The following FHIP2A variants were observed in gnomAD, a reference collection of about 807,000 sequenced individuals.
FHIP2A encodes family with sequence similarity 160 member B1.
FHIP2A carries 46 observed loss-of-function variants against 93.5 expected under a neutral mutation model. That is an observed-to-expected ratio of 0.49 (90% CI 0.39 to 0.63). The LOEUF (loss-of-function observed/expected upper bound fraction) is 0.63, where lower values mean the gene tolerates loss of function less well. Ranked by LOEUF, FHIP2A falls within the 20% of genes least tolerant of loss-of-function variation. The pLI, the probability that FHIP2A is intolerant of heterozygous loss-of-function variation, is 0.00. For synonymous variants in FHIP2A, 332 were observed against 326.5 expected, an observed-to-expected ratio of 1.02 and a Z score of -0.18; for missense variants, 769 against 909.7, an observed-to-expected ratio of 0.85 and a Z score of 1.99.
At position 114,826,644 on chromosome 10, in the gene FHIP2A, A is replaced by G. The variant is rs150726675; in HGVS notation, c.46-4208A>G. ...GAAGTGAGCAAGACTTTAGAGAGGC[A>G]GAGAAGATGGGGAAGGTCACTAGGA... is the stretch of plus-strand genomic sequence containing the variant. On this transcript the variant is annotated intron_variant, in intron 1 of 16. Coordinates refer to ENST00000369248, the MANE Select transcript of FHIP2A (RefSeq NM_020940.4). Among the ~76,000 whole-genome samples the G allele has an allele frequency of 1.7e-3, 253 of 152,320 alleles. 1 individual carries two copies. The highest frequency in any genetic ancestry group is 0.01 in the Middle Eastern group (3 of 294).
intron 1 of FHIP2A, among the ~76,000 whole-genome samples, chr10:114,827,854 G>A (rs879052667): frequency 1.7e-4 from 26 of 151,942 alleles, no homozygotes; most frequent in Admixed American, 1.3e-3. Context: ...TCCTAGGCAG[G>A]AAGAGCCTGG....
chr10:114,872,426 T>C (rs952273290), intron 16 of FHIP2A, among the ~76,000 whole-genome samples: 3 of 152,218 alleles, frequency 2.0e-5, no homozygotes, highest in Non-Finnish European at 2.9e-5. Flanking sequence ...TTAATTATGG[T>C]TCTTTTTTGT....
downstream of FHIP2A, among the ~76,000 whole-genome samples, chr10:114,868,507 T>G (rs1334033272): frequency 2.0e-5 from 3 of 152,094 alleles, no homozygotes; most frequent in African/African-American, 7.2e-5. Flanking sequence ...ACTGCTCTAG[T>G]TGGACTAGTC....
chr10:114,886,786 C>T (rs1422755780), intron 16 of FHIP2A, among the ~76,000 whole-genome samples: 1 of 152,090 alleles, frequency 6.6e-6, no homozygotes, highest in Non-Finnish European at 1.5e-5. Flanking sequence ...CTCAGGTGAT[C>T]TGCCCACCTC....
At position 114,860,749 on chromosome 10, in the gene FHIP2A, C is replaced by T. The variant is rs766137812; in HGVS notation, c.1948C>T (p.Pro650Ser). Residue 650 changes from proline to serine, a missense_variant and splice_region_variant, in exon 15 of 17, where the codon CCA becomes TCA. Coordinates refer to ENST00000369248, the MANE Select transcript of FHIP2A (RefSeq NM_020940.4). The part of the protein sequence containing the change: ...FDRMGRILDQ[P>S]YDVNLQVTSV... The stretch of plus-strand genomic sequence containing the variant: ...CTTTCTGTTTTTTATCTCTCCATAG[C>T]CATATGATGTAAACTTACAAGTAAC... 6.3e-6 allele frequency: 10 copies of T among 1,591,018 alleles called. No homozygotes were observed. The highest frequency in any genetic ancestry group is 7.8e-6 in the Non-Finnish European group (9 of 1,159,174).
chr10:114,868,842 G>A (rs145005107), downstream of FHIP2A, among the ~76,000 whole-genome samples: 40 of 152,216 alleles, frequency 2.6e-4, no homozygotes, highest in African/African-American at 8.4e-4. Context: ...AAAGTTGTCC[G>A]GGATGGTATT....
chr10:114,862,125 A>C lies in FHIP2A; in HGVS notation c.*585A>C. On this transcript the variant is annotated 3_prime_UTR_variant, in exon 17 of 17. Coordinates refer to ENST00000369248, the MANE Select transcript of FHIP2A (RefSeq NM_020940.4). ...AACTTTCTTCAGCTTTTTTAAGAAT[A>C]ACAATTTAATATGATAAATTCTTGA... 1 of 921,876 alleles carries C rather than the reference A, an allele frequency of 1.1e-6. No individual in the cohort carries two copies. The highest frequency in any genetic ancestry group is 1.3e-6 in the Non-Finnish European group (1 of 771,840). The allele number at this position is 921,876 out of a possible 1,614,324, so 57.1% of individuals were successfully genotyped here. A position where few individuals can be genotyped will look rare whatever the true frequency, so the allele number is the denominator to read the frequency against.
chr10:114,863,758 T>C lies in FHIP2A; in HGVS notation c.*2218T>C, dbSNP rs2083814137. 7.8e-7 allele frequency: 1 copy of C among 1,281,848 alleles called. No homozygotes were observed. Among genetic ancestry groups the C allele is most frequent in the African/African-American group, 1.5e-5 (1 of 64,708 alleles). 79.4% of individuals were successfully genotyped at this position (1,281,848 alleles called of 1,614,324 possible). On this transcript the variant is annotated 3_prime_UTR_variant, in exon 17 of 17. Transcript: ENST00000369248. ...TTCTGTTGACAGCTGAATATTTCTG[T>C]TACTCAGTACTTGCAAAAACAGTAA...
chr10:114,847,209 C>G lies in FHIP2A; in HGVS notation c.1688C>G (p.Thr563Ser), dbSNP rs201133882. ...GACCACCCCAAAAATGATGGAAAAA[C>G]TGAAGTTCATAAAATTGTAAATAGG... ...TPDHPKNDGK[T>S]EVHKIVNSFL... is the part of the protein sequence containing the mutation. Residue 563 changes from threonine (T) to serine (S), a missense_variant, in exon 12 of 17, where the codon ACT (threonine) becomes AGT (serine). Coordinates refer to ENST00000369248, the MANE Select transcript of FHIP2A (RefSeq NM_020940.4). 1 of 1,612,002 alleles carries G rather than the reference C, an allele frequency of 6.2e-7. No individual in the cohort carries two copies. Among genetic ancestry groups the G allele is most frequent in the Admixed American group, 1.7e-5 (1 of 59,574 alleles).
chr10:114,830,973 A>C (rs2083604497), intron 2 of FHIP2A, 43 bp downstream of exon 2: 1 of 1,231,302 alleles, frequency 8.1e-7, no homozygotes, highest in Non-Finnish European at 1.1e-6. Flanking sequence ...TGTGAAAGTT[A>C]AACAGAAAAT....
chr10:114,824,730 T>C (rs2083563529), intron 1 of FHIP2A, among the ~76,000 whole-genome samples: 1 of 152,230 alleles, frequency 6.6e-6, no homozygotes, highest in Non-Finnish European at 1.5e-5. Flanking sequence ...ATTTGCTTGA[T>C]ATTTTCCTCT....
Position 114,835,529 on chromosome 10 carries a change from A to G in FHIP2A, c.295-8A>G, listed in dbSNP as rs1175575943. On this transcript the variant is annotated splice_polypyrimidine_tract_variant and splice_region_variant and intron_variant, in intron 3 of 16. Coordinates refer to ENST00000369248, the MANE Select transcript of FHIP2A (RefSeq NM_020940.4). Reference sequence around the variant, plus strand: ...TTTCCTGTTGGCTTCCTTTTTTCCTATACCCAGTGTCCTCCGGGAATGAAA... The same window carrying G: ...TTTCCTGTTGGCTTCCTTTTTTCCTGTACCCAGTGTCCTCCGGGAATGAAA... 2 of 1,575,756 alleles carry G rather than the reference A, an allele frequency of 1.3e-6. No individual in the cohort carries two copies. The highest frequency in any genetic ancestry group is 1.4e-5 in the African/African-American group (1 of 73,680).
chr10:114,853,785 G>C (rs1317159343), intron 13 of FHIP2A, among the ~76,000 whole-genome samples: 1 of 152,106 alleles, frequency 6.6e-6, no homozygotes, highest in Admixed American at 6.6e-5. Context: ...GATCACTTGA[G>C]GTCAGGAGCT....
intron 16 of FHIP2A, among the ~76,000 whole-genome samples, chr10:114,870,675 A>G (rs1041754508): frequency 2.0e-5 from 3 of 152,178 alleles, no homozygotes; most frequent in African/African-American, 7.2e-5. Context: ...GATATTCACT[A>G]AATCTTGTAG....
chr10:114,858,837 G>A (rs914823056), intron 14 of FHIP2A, among the ~76,000 whole-genome samples: 7 of 152,088 alleles, frequency 4.6e-5, no homozygotes, highest in Non-Finnish European at 8.8e-5. Context: ...AAAACGTATT[G>A]TATATTTCAA....
intron 12 of FHIP2A, among the ~76,000 whole-genome samples, chr10:114,848,425 AT>A (rs2083714827): frequency 1.3e-5 from 2 of 152,164 alleles, no homozygotes; most frequent in Non-Finnish European, 2.9e-5. Context: ...TAATCAATGA[AT>A]TGTAAAACTT....
At chr10:114,848,817 C>A in intron 13 of FHIP2A, 80 bp downstream of exon 13, 1 of 881,644 alleles carries the variant, frequency 1.1e-6, no homozygotes, top group Non-Finnish European at 1.9e-6. Flanking sequence ...CCCACCACCA[C>A]TGCTCCAAGG....
intron 16 of FHIP2A, among the ~76,000 whole-genome samples, chr10:114,879,629 T>C (rs1379369334): frequency 6.6e-6 from 1 of 152,176 alleles, no homozygotes. Flanking sequence ...AAATGCCTCA[T>C]AAGAAGCGGT....
At chr10:114,875,420 G>A (rs1299374156) in intron 16 of FHIP2A, among the ~76,000 whole-genome samples, 3 of 152,176 alleles carry the variant, frequency 2.0e-5, no homozygotes, top group Admixed American at 1.3e-4. Context: ...GGGACCGGGC[G>A]CAGTGGCTCA....
Sources: gnomAD v4.1 joint callset for allele counts (sites outside exome capture counted in the v4.1 genomes callset) on GRCh38, gnomAD v4.1.1 for gene constraint, MANE v1.5 for transcripts, NCBI Gene and HGNC (gene_info 2026-07-23, HGNC 2026-07-21) for gene names.